The following POLDIP3 variants were observed in gnomAD, a reference collection of about 807,000 sequenced individuals.
POLDIP3 encodes DNA polymerase delta interacting protein 3.
In POLDIP3, 14 loss-of-function variants were observed where a neutral mutation model predicts 45.1. The ratio of observed to expected loss-of-function variants is 0.31; its 90% CI spans 0.20 to 0.49. The LOEUF (loss-of-function observed/expected upper bound fraction) is 0.49. POLDIP3 is among the 20% of genes least tolerant of loss of function. The pLI is 0.99. For missense variants in POLDIP3, 511 were observed against 538.8 expected (o/e 0.95, Z 0.51); for synonymous variants, 223 against 205.2 (o/e 1.09, Z -0.74).
At chr22:42,600,975 A>G (rs968188053) in intron 3 of POLDIP3, among the ~76,000 whole-genome samples, 11 of 151,646 alleles carry the variant, frequency 7.3e-5, no homozygotes, top group African/African-American at 2.4e-4. Context: ...TGCACCTGTG[A>G]TCCCAGCTAC....
intron 8 of POLDIP3, among the ~76,000 whole-genome samples, 191 bp downstream of exon 8, chr22:42,587,315 T>G (rs966572197): frequency 1.3e-5 from 2 of 152,008 alleles, no homozygotes; most frequent in Admixed American, 6.6e-5. Context: ...CCCTATAGGG[T>G]CAAGCCCTGG....
intron 1 of POLDIP3, among the ~76,000 whole-genome samples, chr22:42,607,355 T>C (rs1171928963): frequency 2.0e-5 from 3 of 152,366 alleles, no homozygotes; most frequent in Non-Finnish European, 4.4e-5. Context: ...GCAAGTGATC[T>C]GCCTGCCTCG....
Position 42,602,057 on chromosome 22 carries a change from C to G in POLDIP3, c.451-1G>C. On this transcript the variant is annotated splice_acceptor_variant, in intron 2 of 8. Coordinates refer to ENST00000252115, the MANE Select transcript of POLDIP3 (RefSeq NM_032311.5). LOFTEE classifies it high-confidence loss of function. ...GTGCCATGGCTTTCTGCTGTGGAAC[C>G]TGGAAACACTCAGTGGTCAGAATCC... 1.2e-6 allele frequency: 2 copies of G among 1,614,116 alleles called. No individual in the cohort carries two copies. Among genetic ancestry groups the G allele is most frequent in the Non-Finnish European group, 1.7e-6 (2 of 1,179,994 alleles).
intron 3 of POLDIP3, among the ~76,000 whole-genome samples, chr22:42,600,619 C>T (rs570144237): frequency 2.2e-4 from 33 of 146,826 alleles, no homozygotes; most frequent in Admixed American, 8.3e-4. Flanking sequence ...GAGCGAGACT[C>T]GGTCTCAAAA....
At chr22:42,606,064 C>T (rs1186172600) in intron 1 of POLDIP3, among the ~76,000 whole-genome samples, 1 of 152,120 alleles carries the variant, frequency 6.6e-6, no homozygotes, top group African/African-American at 2.4e-5. Context: ...ATCAGTTGAA[C>T]CCAGGAGATG....
chr22:42,601,519 T>C (rs1380128368), intron 3 of POLDIP3, among the ~76,000 whole-genome samples: 1 of 152,140 alleles, frequency 6.6e-6, no homozygotes, highest in East Asian at 1.9e-4. Context: ...TCCCAGCACT[T>C]TGGGAGGCTG....
Position 42,583,834 on chromosome 22 carries a change from C to A in POLDIP3, c.*1957G>T, listed in dbSNP as rs766174325. 6.6e-6 allele frequency: 1 copy of A among 152,554 alleles called. No individual in the cohort carries two copies. Among genetic ancestry groups the A allele is most frequent in the Non-Finnish European group, 1.5e-5 (1 of 68,106 alleles). The allele number at this position is 152,554 out of a possible 1,614,324, so 9.5% of individuals were successfully genotyped here. The stretch of plus-strand genomic sequence containing the variant: ...GAGACACAGATGGGTAACATAGAGG[C>A]ATGGGAAGTGGAGGAGGACACAGGA... On this transcript the variant is annotated 3_prime_UTR_variant, in exon 9 of 9. Transcript: ENST00000252115.
chr22:42,596,149 C>A, intron 5 of POLDIP3, 37 bp downstream of exon 5: 1 of 1,606,008 alleles, frequency 6.2e-7, no homozygotes, highest in South Asian at 1.1e-5. Flanking sequence ...TACAGCCCTC[C>A]TGACCCCAAC....
chr22:42,589,989 T>A (rs1297308070), intron 7 of POLDIP3, among the ~76,000 whole-genome samples: 1 of 151,340 alleles, frequency 6.6e-6, no homozygotes, highest in East Asian at 1.9e-4. Context: ...AGAAAATACA[T>A]ATTTTCCTTA....
intron 3 of POLDIP3, 39 bp from the exon 4 acceptor site, chr22:42,599,832 A>G (rs779137484): frequency 6.9e-7 from 1 of 1,453,996 alleles, no homozygotes; most frequent in Non-Finnish European, 9.6e-7. Flanking sequence ...CAAATGTGGC[A>G]TCTGGGCCCT....
intron 4 of POLDIP3, among the ~76,000 whole-genome samples, chr22:42,597,228 A>G (rs1343943034): frequency 6.6e-6 from 1 of 152,252 alleles, no homozygotes; most frequent in East Asian, 1.9e-4. Context: ...AGGTGCATAA[A>G]GCAGAAGTGA....
intron 1 of POLDIP3, among the ~76,000 whole-genome samples, chr22:42,608,128 T>C (rs1283866576): frequency 6.6e-6 from 1 of 151,964 alleles, no homozygotes; most frequent in African/African-American, 2.4e-5. Flanking sequence ...AAGGGGGAAA[T>C]GTGGGGAAAA....
chr22:42,596,047 C>T, intron 5 of POLDIP3, 139 bp downstream of exon 5: 1 of 904,798 alleles, frequency 1.1e-6, no homozygotes, highest in Non-Finnish European at 1.7e-6. Context: ...GGTAAGAGTC[C>T]CTAGGTCTTG....
intron 7 of POLDIP3, among the ~76,000 whole-genome samples, chr22:42,588,862 G>A (rs1925489235): frequency 6.6e-6 from 1 of 152,120 alleles, no homozygotes; most frequent in South Asian, 2.1e-4. Context: ...TCCCAATCAG[G>A]TGATCCGCCT....
At chr22:42,604,167 G>A (rs1057472506) in intron 1 of POLDIP3, among the ~76,000 whole-genome samples, 1 of 152,094 alleles carries the variant, frequency 6.6e-6, no homozygotes, top group African/African-American at 2.4e-5. Context: ...CTCTGCCTGC[G>A]GACTCCTATG....
intron 7 of POLDIP3, among the ~76,000 whole-genome samples, chr22:42,588,692 G>A (rs1281453182): frequency 4.7e-5 from 7 of 149,622 alleles, no homozygotes; most frequent in African/African-American, 1.5e-4. Context: ...GCAATGGTGC[G>A]ATCTCGGCTC....
intron 4 of POLDIP3, 120 bp from the exon 5 acceptor site, chr22:42,596,485 T>C (rs973532966): frequency 1.0e-6 from 1 of 1,004,238 alleles, no homozygotes; most frequent in African/African-American, 1.6e-5. Flanking sequence ...TCTCTAATTC[T>C]ATTAGAGGTC....
chr22:42,595,669 C>A (rs1016198795), intron 5 of POLDIP3, 55 bp from the exon 6 acceptor site: 1 of 1,524,816 alleles, frequency 6.6e-7, no homozygotes, highest in Non-Finnish European at 9.1e-7. Context: ...AGCATTCCCA[C>A]AACAGAAATT....
chr22:42,587,414 G>C lies in POLDIP3; in HGVS notation c.1088+92C>G, dbSNP rs142197057. ...AACAGAGGAAACGGAATGGGGGGAT[G>C]AAGGGGAGCTGTGATGCAGGCAGTT... On this transcript the variant is annotated intron_variant, in intron 8 of 8. Transcript: ENST00000252115. 984 of 1,283,074 alleles carry C rather than the reference G, an allele frequency of 7.7e-4. 11 individuals are homozygous for C. In the East Asian group the frequency reaches 0.018, roughly 23 times the overall value. 79.5% of individuals were successfully genotyped at this position (1,283,074 alleles called of 1,614,324 possible). A position where few individuals can be genotyped will look rare whatever the true frequency, so the allele number is the denominator to read the frequency against.
Sources: gnomAD v4.1 joint callset for allele counts (sites outside exome capture counted in the v4.1 genomes callset) on GRCh38, gnomAD v4.1.1 for gene constraint, MANE v1.5 for transcripts, NCBI Gene and HGNC (gene_info 2026-07-23, HGNC 2026-07-21) for gene names.